PDE4D: variants seen among roughly 807,000 people sequenced by gnomAD.
PDE4D encodes the protein phosphodiesterase 4D, also known as 3',5'-cyclic-AMP phosphodiesterase 4D.
A neutral mutation model predicts 87.4 loss-of-function variants in PDE4D; 24 were observed. That is an observed-to-expected ratio of 0.27 (90% CI 0.20 to 0.39). PDE4D has a LOEUF of 0.39. PDE4D is among the 10% of genes least tolerant of loss of function. The probability of loss-of-function intolerance (pLI) is 1.00; values close to 1 mark genes in which losing one functional copy is unlikely to be tolerated. For missense variants in PDE4D, 714 were observed against 1,041.0 expected (o/e 0.69, Z 4.32); for synonymous variants, 384 against 383.2 (o/e 1.00, Z -0.02).
intron 5 of PDE4D, among the ~76,000 whole-genome samples, chr5:59,130,354 A>G (rs1776097116): frequency 6.6e-6 from 1 of 152,204 alleles, no homozygotes; most frequent in African/African-American, 2.4e-5. Context: ...TAAAGGCACA[A>G]AGGTTTCGGA....
At chr5:59,141,660 T>G (rs913251828) in intron 5 of PDE4D, among the ~76,000 whole-genome samples, 1 of 152,200 alleles carries the variant, frequency 6.6e-6, no homozygotes, top group African/African-American at 2.4e-5. Context: ...AATTTTTAAA[T>G]GCTAAATGAA....
At chr5:60,095,959 ATTTG>A (rs1775635231) in intron 2 of PDE4D, among the ~76,000 whole-genome samples, 1 of 151,752 alleles carries the variant, frequency 6.6e-6, no homozygotes, top group African/African-American at 2.4e-5. Flanking sequence ...CTTCTTGTAA[ATTTG>A]TTTAAGTTCT....
chr5:60,303,871 C>T (rs1472644374), intron 1 of PDE4D, among the ~76,000 whole-genome samples: 1 of 152,138 alleles, frequency 6.6e-6, no homozygotes, highest in Non-Finnish European at 1.5e-5. Flanking sequence ...TCTCAATGAT[C>T]TGTCTAATAT....
chr5:59,464,361 C>T (rs1242208299), intron 1 of PDE4D, among the ~76,000 whole-genome samples: 4 of 152,236 alleles, frequency 2.6e-5, no homozygotes, highest in Non-Finnish European at 2.9e-5. Context: ...TAGGGAAAAA[C>T]CGCCTTAAGG....
intron 1 of PDE4D, among the ~76,000 whole-genome samples, chr5:59,766,093 AT>A (rs1419327824): frequency 1.3e-5 from 2 of 152,206 alleles, no homozygotes; most frequent in African/African-American, 4.8e-5. Context: ...TTTGAAACAT[AT>A]TTTCAAAATT....
intron 3 of PDE4D, among the ~76,000 whole-genome samples, chr5:59,916,463 A>C (rs181060010): frequency 6.6e-6 from 1 of 152,368 alleles, no homozygotes; most frequent in African/African-American, 2.4e-5. Context: ...AAGACATATA[A>C]TAACTCTGGT....
chr5:59,195,783 T>C (rs2153488278), intron 2 of PDE4D, among the ~76,000 whole-genome samples: 1 of 152,328 alleles, frequency 6.6e-6, no homozygotes, highest in African/African-American at 2.4e-5. Flanking sequence ...ACAGTAAATG[T>C]TCAATAAACA....
In PDE4D at chr5:59,301,786, G is replaced by A. The variant is rs115686508; in HGVS notation, c.456-85818C>T. 8.5e-3 allele frequency among the ~76,000 whole-genome samples: 1,291 copies of A among 152,160 alleles called. 20 individuals are homozygous for A. The highest frequency in any genetic ancestry group is 0.03 in the African/African-American group (1,230 of 41,530). ...TGAGCAGGGTAGGAGAGTGCCCCAAGGAATGTCAGGCAACAGTCAGGTGAC... is the reference window on the plus strand; with the variant it reads ...TGAGCAGGGTAGGAGAGTGCCCCAAAGAATGTCAGGCAACAGTCAGGTGAC... On this transcript the variant is annotated intron_variant, in intron 1 of 14. Coordinates refer to ENST00000340635, the MANE Select transcript of PDE4D (RefSeq NM_001104631.2).
rs115693145 is a variant in PDE4D at position 60,035,678 on chromosome 5, G to A, written c.43-46961C>T. ...AGTGGGTTAATCTTCAATGGCAGAG[G>A]TGAGGGTGGCCACCCCTCCTCCCAA... On this transcript the variant is annotated intron_variant, in intron 2 of 16. Transcript: ENST00000502484. 4.2e-3 allele frequency among the ~76,000 whole-genome samples: 645 copies of A among 152,268 alleles called. 6 individuals are homozygous for A. The highest frequency in any genetic ancestry group is 0.015 in the African/African-American group (611 of 41,562).
At chr5:59,462,342 T>C (rs1385448382) in intron 1 of PDE4D, among the ~76,000 whole-genome samples, 2 of 151,984 alleles carry the variant, frequency 1.3e-5, no homozygotes, top group African/African-American at 2.4e-5. Context: ...CTCTAGGTAG[T>C]ACCAAGATAC....
chr5:59,820,830 G>A (rs71627972), intron 1 of PDE4D, among the ~76,000 whole-genome samples: 5,198 of 152,228 alleles, frequency 0.034, 118 homozygotes, highest in Middle Eastern at 0.044. Flanking sequence ...CTCAGTAAGC[G>A]ATAACTACTC....
intron 1 of PDE4D, among the ~76,000 whole-genome samples, chr5:60,465,195 A>G (rs1410108483): frequency 6.6e-6 from 1 of 152,174 alleles, no homozygotes; most frequent in Non-Finnish European, 1.5e-5. Context: ...TGCCAAGCTA[A>G]AGAAATATCT....
At chr5:59,062,113 C>T (rs187425565) in intron 5 of PDE4D, among the ~76,000 whole-genome samples, 246 of 152,198 alleles carry the variant, frequency 1.6e-3, no homozygotes, top group African/African-American at 5.3e-3. Flanking sequence ...AACCTGGAAT[C>T]GGCTGATCAG....
At chr5:60,207,102 T>C (rs913550619) in intron 1 of PDE4D, among the ~76,000 whole-genome samples, 3 of 152,012 alleles carry the variant, frequency 2.0e-5, no homozygotes, top group African/African-American at 7.3e-5. Flanking sequence ...AAGAATGACA[T>C]TCATGCCTGA....
intron 1 of PDE4D, among the ~76,000 whole-genome samples, chr5:59,712,548 A>C (rs1580610021): frequency 9.2e-6 from 1 of 108,346 alleles, no homozygotes; most frequent in Non-Finnish European, 2.0e-5. Flanking sequence ...CCAGGGATTT[A>C]TAACAGAGTT....
At chr5:59,451,417 G>C (rs1477114894) in intron 1 of PDE4D, among the ~76,000 whole-genome samples, 1 of 152,094 alleles carries the variant, frequency 6.6e-6, no homozygotes, top group Non-Finnish European at 1.5e-5. Flanking sequence ...TCTTTGGTCT[G>C]CATCTGCCTC....
At chr5:60,518,226 C>A (rs1273256653) in intron 1 of PDE4D, among the ~76,000 whole-genome samples, 1 of 152,238 alleles carries the variant, frequency 6.6e-6, no homozygotes, top group East Asian at 1.9e-4. Flanking sequence ...GCCTGGCTCA[C>A]CCTTGGCAGG....
chr5:60,412,341 C>T (rs536273662), intron 1 of PDE4D, among the ~76,000 whole-genome samples: 1 of 152,314 alleles, frequency 6.6e-6, no homozygotes, highest in East Asian at 1.9e-4. Context: ...TACACATTCA[C>T]TTGAAAGAGC....
chr5:59,343,743 A>G (rs1378222721), intron 1 of PDE4D, among the ~76,000 whole-genome samples: 2 of 152,190 alleles, frequency 1.3e-5, no homozygotes, highest in Admixed American at 6.5e-5. Flanking sequence ...TCATACCTCC[A>G]TAATGTTATT....
Sources: allele counts gnomAD v4.1 joint callset (sites outside exome capture counted in the v4.1 genomes callset), GRCh38; gene constraint gnomAD v4.1.1; transcripts MANE v1.5; gene names NCBI Gene and HGNC (gene_info 2026-07-23, HGNC 2026-07-21).